The following MYLK variants were observed in gnomAD, a reference collection of about 807,000 sequenced individuals.
The protein encoded by MYLK is myosin light chain kinase, smooth muscle.
In MYLK, 106 loss-of-function variants were observed where a neutral mutation model predicts 203.4. That is an observed-to-expected ratio of 0.52 (90% confidence interval 0.45 to 0.61). The LOEUF is 0.61. Among genes scored for constraint, MYLK ranks in the 20% least tolerant of loss-of-function variants. MYLK has a pLI of 0.00. For synonymous variants in MYLK, 867 were observed against 959.5 expected, an observed-to-expected ratio of 0.90 and a Z score of 1.78; for missense variants, 2,072 against 2,442.3, an observed-to-expected ratio of 0.85 and a Z score of 3.20.
chr3:123,631,896 G>A (rs564007908), intron 29 of MYLK, among the ~76,000 whole-genome samples: 16 of 148,866 alleles, frequency 1.1e-4, no homozygotes, highest in Admixed American at 2.0e-4. Flanking sequence ...TTGAGACAGA[G>A]TGTTGCTCTG....
intron 18 of MYLK, among the ~76,000 whole-genome samples, chr3:123,696,705 G>A (rs1235325121): frequency 1.3e-5 from 2 of 152,026 alleles, no homozygotes; most frequent in Non-Finnish European, 2.9e-5. Flanking sequence ...TGGCTACTAC[G>A]CTAGTCTAGG....
chr3:123,848,375 AT>A (rs564488746), intron 2 of MYLK, among the ~76,000 whole-genome samples: 2 of 151,148 alleles, frequency 1.3e-5, no homozygotes, highest in South Asian at 2.1e-4. Context: ...TTTCTTTAGG[AT>A]TTTTTTTCTA....
rs142749012 is a variant in MYLK at position 123,853,113 on chromosome 3, G to A, written c.-126-21443C>T. Reference sequence around the variant, plus strand: ...GACAGAAGCCTAATCCCAAGTCACCGAATAACTCTAGAGAGAAAAAAAAAA... The same window carrying A: ...GACAGAAGCCTAATCCCAAGTCACCAAATAACTCTAGAGAGAAAAAAAAAA... On this transcript the variant is annotated intron_variant, in intron 2 of 33. Transcript: ENST00000360304. 1.6e-4 allele frequency among the ~76,000 whole-genome samples: 25 copies of A among 151,560 alleles called. No individual in the cohort carries two copies. The East Asian group carries it at 3.7e-3, about 22-fold the overall frequency.
intron 3 of MYLK, among the ~76,000 whole-genome samples, chr3:123,800,811 A>T (rs1456667521): frequency 6.6e-6 from 1 of 151,598 alleles, no homozygotes; most frequent in Non-Finnish European, 1.5e-5. Context: ...CACCTAGGAG[A>T]CCCCCTACCT....
intron 28 of MYLK, among the ~76,000 whole-genome samples, 172 bp from the exon 29 acceptor site, chr3:123,638,366 C>T (rs1322347983): frequency 6.6e-6 from 1 of 152,144 alleles, no homozygotes; most frequent in Non-Finnish European, 1.5e-5. Flanking sequence ...GGTGCGTCAA[C>T]ACACCAGTGA....
intron 2 of MYLK, among the ~76,000 whole-genome samples, chr3:123,839,314 G>A (rs547048552): frequency 6.6e-6 from 1 of 152,124 alleles, no homozygotes; most frequent in South Asian, 2.1e-4. Flanking sequence ...CACAAAAAAA[G>A]CTCACCTTGA....
chr3:123,816,598 G>A (rs190060197), intron 3 of MYLK, among the ~76,000 whole-genome samples: 2 of 152,268 alleles, frequency 1.3e-5, no homozygotes, highest in South Asian at 4.1e-4. Flanking sequence ...AATAACATAA[G>A]ACAGAAATTT....
At chr3:123,631,844 C>T (rs1462575506) in intron 29 of MYLK, among the ~76,000 whole-genome samples, 1 of 151,502 alleles carries the variant, frequency 6.6e-6, no homozygotes, top group African/African-American at 2.4e-5. Context: ...TGCTCCTTTC[C>T]CCTCTCTGGG....
intron 2 of MYLK, chr3:123,835,880 T>C (rs937842664): frequency 2.6e-5 from 4 of 152,218 alleles, no homozygotes; most frequent in Non-Finnish European, 5.9e-5. Context: ...TGTTTGACTG[T>C]AGGTCATAAG....
rs752764240 is a variant in MYLK, at chr3:123,648,927, A to G, written c.4415+44T>C. 90 of 1,545,702 alleles carry G rather than the reference A, an allele frequency of 5.8e-5. No individual in the cohort carries two copies. Among genetic ancestry groups the G allele is most frequent in the Non-Finnish European group, 7.6e-5 (85 of 1,118,822 alleles). On this transcript the variant is annotated intron_variant, in intron 26 of 33. Transcript: ENST00000360304. The surrounding 1 kb of genome is among the most constrained non-coding windows in gnomAD (Gnocchi z 4.5). Reference sequence around the variant, plus strand: ...TGAATCTAACTGTGAGACCCGCACCACCCTCACCCTGGGAGCCCAGAGGCA... The same window carrying G: ...TGAATCTAACTGTGAGACCCGCACCGCCCTCACCCTGGGAGCCCAGAGGCA...
chr3:123,614,131 C>G lies in MYLK; in HGVS notation c.5719G>C (p.Gly1907Arg). The change falls in exon 34 of 34, where the codon GGG (glycine) becomes CGG (arginine). Residue 1907 changes from glycine to arginine, a missense_variant. This residue lies in a region of MYLK where 524 missense variants were observed against 782.4 expected (regional missense o/e 0.67). Coordinates refer to ENST00000360304, the MANE Select transcript of MYLK (RefSeq NM_053025.4). ...CACTCTTCTTCCTCTTCCCCTTCCC[C>G]TTCACCTTCCTCCATCGTTTCCACA... ...LIVETMEEGEGEGEEEEE is the reference protein window; with the variant it reads ...LIVETMEEGEREGEEEEE 5 of 1,613,962 alleles carry G rather than the reference C, an allele frequency of 3.1e-6. No homozygotes were observed. The highest frequency in any genetic ancestry group is 4.2e-6 in the Non-Finnish European group (5 of 1,180,020).
intron 19 of MYLK, among the ~76,000 whole-genome samples, chr3:123,690,544 G>A (rs1196065623): frequency 1.3e-5 from 2 of 152,142 alleles, no homozygotes; most frequent in South Asian, 2.1e-4. Context: ...AGCACCAGAC[G>A]ATAGAAAGGC....
intron 5 of MYLK, 141 bp from the exon 6 acceptor site, chr3:123,740,142 AC>A (rs1211126858): frequency 1.2e-6 from 1 of 803,542 alleles, no homozygotes; most frequent in African/African-American, 1.7e-5. Flanking sequence ...CACTATGGAT[AC>A]TATGGTAGGT....
chr3:123,657,207 G>A lies in MYLK; in HGVS notation c.4207C>T (p.Arg1403Cys), dbSNP rs748559781. The change falls in exon 24 of 34, where the codon CGT becomes TGT. Residue 1403 changes from arginine to cysteine, a missense_variant. By Grantham distance (180) the Arg-to-Cys change is radical. Around this residue, in one of 3 missense-constraint regions of MYLK, gnomAD observed 524 missense variants for 782.4 expected, o/e 0.67. Coordinates refer to ENST00000360304, the MANE Select transcript of MYLK (RefSeq NM_053025.4). ...CCATACACGTTGATTGCACGTACAC[G>A]GAACTTATATTCGTGGTCAGGCAGC... is the stretch of plus-strand genomic sequence containing the variant. ...DLLPDHEYKFRVRAINVYGTS... is the reference protein window; with the variant it reads ...DLLPDHEYKFCVRAINVYGTS... 1.9e-5 allele frequency: 30 copies of A among 1,614,036 alleles called. No individual in the cohort carries two copies. Among genetic ancestry groups the A allele is most frequent in the Non-Finnish European group, 2.5e-5 (29 of 1,180,036 alleles).
chr3:123,689,556 C>G (rs545962783), intron 19 of MYLK: 1 of 152,250 alleles, frequency 6.6e-6, no homozygotes, highest in Non-Finnish European at 1.5e-5. Context: ...CAGATCTACA[C>G]CTACTGTCTG....
At chr3:123,743,131 T>G (rs1237132192) in intron 5 of MYLK, among the ~76,000 whole-genome samples, 3 of 152,186 alleles carry the variant, frequency 2.0e-5, no homozygotes, top group Non-Finnish European at 4.4e-5. Flanking sequence ...ATGTTAGGTA[T>G]GTATATTTTA....
intron 33 of MYLK, 169 bp downstream of exon 33, chr3:123,618,470 G>A (rs564408116): frequency 1.0e-4 from 80 of 803,678 alleles, no homozygotes; most frequent in Non-Finnish European, 1.5e-4. Flanking sequence ...GGAGTGCAGG[G>A]CATAGCCCTT....
At chr3:123,632,366 A>G (rs949905035) in intron 29 of MYLK, among the ~76,000 whole-genome samples, 1 of 151,872 alleles carries the variant, frequency 6.6e-6, no homozygotes, top group Non-Finnish European at 1.5e-5. Context: ...GAAGTCCGGC[A>G]GTACTCCAAA....
chr3:123,614,056 A>T lies in MYLK; in HGVS notation c.*49T>A, dbSNP rs530264188. ...TTTTTTTTTTTTTTGAGTTTTAGAG[A>T]AATAGTCCTTTTAATATGACTTAGA... On this transcript the variant is annotated 3_prime_UTR_variant, in exon 34 of 34. Coordinates refer to ENST00000360304, the MANE Select transcript of MYLK (RefSeq NM_053025.4). The T allele has an allele frequency of 8.3e-6, 13 of 1,562,756 alleles. No individual in the cohort carries two copies. The African/African-American group carries it at 1.5e-4, about 18-fold the overall frequency.
Sources: allele counts gnomAD v4.1 joint callset (sites outside exome capture counted in the v4.1 genomes callset), GRCh38; gene constraint gnomAD v4.1.1; regional missense constraint gnomAD v4.1.1; non-coding constraint Gnocchi (gnomAD v3.1); transcripts MANE v1.5; gene names NCBI Gene and HGNC (gene_info 2026-07-23, HGNC 2026-07-21).